The following NTM variants were observed in gnomAD, a reference collection of about 807,000 sequenced individuals.
NTM encodes neurotrimin, also known as IgLON family member 2.
A neutral mutation model predicts 42.1 loss-of-function variants in NTM; 13 were observed. The observed-to-expected ratio is 0.31, with a 90% CI of 0.20 to 0.49. NTM has a LOEUF of 0.49. Among genes scored for constraint, NTM ranks in the 20% least tolerant of loss-of-function variants. NTM has a pLI of 0.99. For synonymous variants in NTM, 187 were observed against 179.2 expected, an observed-to-expected ratio of 1.04 and a Z score of -0.35; for missense variants, 373 against 452.8, an observed-to-expected ratio of 0.82 and a Z score of 1.60.
chr11:132,194,650 C>T (rs2138330577), intron 3 of NTM, among the ~76,000 whole-genome samples: 1 of 152,048 alleles, frequency 6.6e-6, no homozygotes, highest in Admixed American at 6.5e-5. Context: ...TAAAAGGCAT[C>T]CAAATAGGAA....
chr11:131,552,504 C>CAAAAAAAAA (rs36101549), intron 1 of NTM, among the ~76,000 whole-genome samples: 3 of 73,126 alleles, frequency 4.1e-5, no homozygotes, highest in African/African-American at 1.3e-4. Context: ...GACTCCGTCT[C>CAAAAAAAAA]AAAAAAAAAA....
intron 2 of NTM, among the ~76,000 whole-genome samples, chr11:131,997,034 C>T (rs1268783960): frequency 6.6e-6 from 1 of 152,248 alleles, no homozygotes; most frequent in African/African-American, 2.4e-5. Context: ...TGGTCAGCTT[C>T]ACCATGGCCT....
chr11:131,386,227 G>A (rs1008120177), intron 1 of NTM, among the ~76,000 whole-genome samples: 1 of 152,174 alleles, frequency 6.6e-6, no homozygotes, highest in East Asian at 1.9e-4. Context: ...CCAAAGGACC[G>A]ATAAGGTATG....
chr11:131,829,703 A>G (rs751500379), intron 1 of NTM, among the ~76,000 whole-genome samples: 4 of 152,174 alleles, frequency 2.6e-5, no homozygotes, highest in Non-Finnish European at 4.4e-5. Flanking sequence ...TTTATAACCA[A>G]TAATGAGATT....
chr11:131,633,108 G>A (rs2063830945), intron 1 of NTM, among the ~76,000 whole-genome samples: 1 of 152,156 alleles, frequency 6.6e-6, no homozygotes. Context: ...GGACACATCA[G>A]CTGAGCCTGT....
At chr11:132,214,792 T>C (rs2083499712) in intron 4 of NTM, among the ~76,000 whole-genome samples, 1 of 152,152 alleles carries the variant, frequency 6.6e-6, no homozygotes, top group Admixed American at 6.5e-5. Context: ...TTTTAGCTGC[T>C]ATGGAAACAG....
In NTM at chr11:131,370,900, C is replaced by T. The variant is rs1941066051; in HGVS notation, c.82+12C>T. On this transcript the variant is annotated intron_variant, in intron 1 of 8. Transcript: ENST00000683400. ...GTGTCTCTTCCAAGGTAAGAGCTTG[C>T]TATTGATTTGCCTTCGGTAGACCCA... is the stretch of plus-strand genomic sequence containing the variant. 2 of 1,613,732 alleles carry T rather than the reference C, an allele frequency of 1.2e-6. No homozygotes were observed. Among genetic ancestry groups the T allele is most frequent in the Non-Finnish European group, 1.7e-6 (2 of 1,179,870 alleles).
intron 2 of NTM, among the ~76,000 whole-genome samples, chr11:131,989,846 ATG>A (rs918416846): frequency 2.6e-5 from 4 of 152,148 alleles, no homozygotes; most frequent in Admixed American, 1.3e-4. Context: ...TGGTACAACC[ATG>A]TGAATGCTCT....
chr11:131,800,185 G>T (rs1212498368), intron 1 of NTM, among the ~76,000 whole-genome samples: 2 of 152,194 alleles, frequency 1.3e-5, no homozygotes, highest in Admixed American at 1.3e-4. Flanking sequence ...AACATGAAGG[G>T]TCTATGACTT....
chr11:131,466,743 T>C (rs1056493058), intron 1 of NTM, among the ~76,000 whole-genome samples: 2 of 152,226 alleles, frequency 1.3e-5, no homozygotes, highest in African/African-American at 4.8e-5. Context: ...CAGTTGTTGA[T>C]AGAGCAAATA....
rs533264038 is a variant in NTM, at chr11:131,983,479, G to A, written c.167+71831G>A. The stretch of plus-strand genomic sequence containing the variant: ...CAACCTCTGCCTCCCGGGTTCAAGC[G>A]ATTCTCCTACATCAGCCTCCCAAGT... On this transcript the variant is annotated intron_variant, in intron 2 of 8. Coordinates refer to ENST00000683400, the MANE Select transcript of NTM (RefSeq NM_001352005.2). Among the ~76,000 whole-genome samples the A allele has an allele frequency of 2.9e-4, 43 of 149,940 alleles. 1 individual carries two copies. In the South Asian group the frequency reaches 6.7e-3, roughly 23 times the overall value.
At chr11:132,299,801 T>C (rs1052247361) in intron 4 of NTM, among the ~76,000 whole-genome samples, 1 of 152,202 alleles carries the variant, frequency 6.6e-6, no homozygotes, top group African/African-American at 2.4e-5. Context: ...AAACATCTTT[T>C]AAATTTGCCC....
chr11:131,559,169 G>A (rs2055871365), intron 1 of NTM, among the ~76,000 whole-genome samples: 1 of 152,212 alleles, frequency 6.6e-6, no homozygotes, highest in Admixed American at 6.5e-5. Context: ...GTGTTTTGCG[G>A]CTGACTTGGA....
At chr11:131,666,577 AAC>A (rs1218900220) in intron 1 of NTM, among the ~76,000 whole-genome samples, 1 of 152,184 alleles carries the variant, frequency 6.6e-6, no homozygotes, top group Non-Finnish European at 1.5e-5. Context: ...ATACTCGACA[AAC>A]ACATGCATTT....
chr11:131,865,494 A>T (rs188028018), intron 1 of NTM, among the ~76,000 whole-genome samples: 3 of 152,350 alleles, frequency 2.0e-5, no homozygotes, highest in African/African-American at 7.2e-5. Context: ...TGTGCTCTGC[A>T]CTTGATAGCT....
chr11:132,245,682 C>T (rs11821761), intron 4 of NTM, among the ~76,000 whole-genome samples: 3,150 of 152,180 alleles, frequency 0.021, 92 homozygotes, highest in African/African-American at 0.065. Flanking sequence ...AAATGTTTCC[C>T]ACTGCCAGCT....
intron 2 of NTM, among the ~76,000 whole-genome samples, chr11:132,141,716 G>A (rs914005119): frequency 2.0e-5 from 3 of 152,222 alleles, no homozygotes; most frequent in Non-Finnish European, 4.4e-5. Context: ...GGAACATGGT[G>A]CAGACAGACA....
At chr11:131,420,147 G>A (rs7108536) in intron 1 of NTM, among the ~76,000 whole-genome samples, 83,159 of 152,014 alleles carry the variant, frequency 0.55, 23,669 homozygotes, top group Non-Finnish European at 0.63. Context: ...ACAAGATGCC[G>A]CCTATGGAGA....
intron 4 of NTM, among the ~76,000 whole-genome samples, chr11:132,275,823 T>G (rs1271731307): frequency 6.7e-6 from 1 of 150,108 alleles, no homozygotes; most frequent in Non-Finnish European, 1.5e-5. Context: ...GTATTTTTCA[T>G]TTCTTTGTGG....
Sources: gnomAD v4.1 joint callset for allele counts (sites outside exome capture counted in the v4.1 genomes callset) on GRCh38, gnomAD v4.1.1 for gene constraint, MANE v1.5 for transcripts, NCBI Gene and HGNC (gene_info 2026-07-23, HGNC 2026-07-21) for gene names.